IFT88: variants seen among roughly 807,000 people sequenced by gnomAD.
IFT88 encodes intraflagellar transport protein 88 homolog.
Under a neutral mutation model 119.5 loss-of-function variants are expected in IFT88, and 74 were observed. That is an observed-to-expected ratio of 0.62 (90% confidence interval 0.51 to 0.75). The LOEUF (loss-of-function observed/expected upper bound fraction) is 0.75, where lower values mean the gene tolerates loss of function less well. IFT88 is among the 30% of genes least tolerant of loss of function. The pLI, the probability that IFT88 is intolerant of heterozygous loss-of-function variation, is 0.00. For missense variants in IFT88, 961 were observed against 977.7 expected (o/e 0.98, Z 0.23); for synonymous variants, 279 against 316.7 (o/e 0.88, Z 1.26).
At chr13:20,652,758 C>T (rs748684941) in intron 20 of IFT88, among the ~76,000 whole-genome samples, 30 of 152,070 alleles carry the variant, frequency 2.0e-4, no homozygotes, top group Non-Finnish European at 3.2e-4. Context: ...AATAATACCA[C>T]ATGGTAAATG....
intron 8 of IFT88, among the ~76,000 whole-genome samples, chr13:20,596,766 A>G (rs1227852033): frequency 6.6e-6 from 1 of 152,222 alleles, no homozygotes; most frequent in Non-Finnish European, 1.5e-5. Context: ...TGGATTAATG[A>G]ATACCATTAG....
intron 14 of IFT88, among the ~76,000 whole-genome samples, chr13:20,621,721 A>G (rs974473207): frequency 7.9e-5 from 12 of 152,090 alleles, no homozygotes; most frequent in African/African-American, 2.9e-4. Context: ...ATTTGTTACA[A>G]TCAATGAACC....
intron 5 of IFT88, among the ~76,000 whole-genome samples, chr13:20,591,395 A>AT (rs903734467): frequency 2.0e-5 from 3 of 152,076 alleles, no homozygotes; most frequent in Admixed American, 6.5e-5. Flanking sequence ...AAGCTGATTA[A>AT]TTTTTTTTAA....
intron 17 of IFT88, 126 bp from the exon 18 acceptor site, chr13:20,641,164 A>G: frequency 1.7e-6 from 1 of 595,288 alleles, no homozygotes; most frequent in Non-Finnish European, 2.8e-6. Context: ...CAAAAACCTG[A>G]GTTCATCTTC....
At chr13:20,568,813 C>T (rs1415698857) in intron 1 of IFT88, among the ~76,000 whole-genome samples, 1 of 152,060 alleles carries the variant, frequency 6.6e-6, no homozygotes, top group Non-Finnish European at 1.5e-5. Context: ...CTCCGCCTCC[C>T]GGGTTCATGC....
chr13:20,616,825 C>T (rs747906216), intron 14 of IFT88, among the ~76,000 whole-genome samples: 12 of 152,170 alleles, frequency 7.9e-5, no homozygotes, highest in Non-Finnish European at 1.3e-4. Context: ...AGGTGTGATA[C>T]AGCATTACAG....
chr13:20,633,411 G>A (rs1245068659), intron 16 of IFT88, among the ~76,000 whole-genome samples: 1 of 152,184 alleles, frequency 6.6e-6, no homozygotes, highest in Non-Finnish European at 1.5e-5. Flanking sequence ...CCTCTAGGAA[G>A]GGGGACAAGG....
chr13:20,603,180 A>G (rs1421996773), intron 12 of IFT88, among the ~76,000 whole-genome samples: 1 of 152,156 alleles, frequency 6.6e-6, no homozygotes, highest in Non-Finnish European at 1.5e-5. Flanking sequence ...GTAGATAAAA[A>G]TGGTACATTT....
At chr13:20,629,426 A>G (rs28493115) in intron 15 of IFT88, among the ~76,000 whole-genome samples, 79 of 152,308 alleles carry the variant, frequency 5.2e-4, no homozygotes, top group African/African-American at 1.8e-3. Context: ...CTTGAAAGTG[A>G]GGATATGATG....
intron 24 of IFT88, among the ~76,000 whole-genome samples, chr13:20,677,620 G>T (rs2056837096): frequency 6.6e-6 from 1 of 152,132 alleles, no homozygotes; most frequent in Non-Finnish European, 1.5e-5. Context: ...CCTCCTAAAG[G>T]TCCCAAAGTT....
intron 1 of IFT88, chr13:20,567,802 ATTCT>A (rs2035201346): frequency 7.5e-7 from 1 of 1,324,674 alleles, no homozygotes; most frequent in Non-Finnish European, 9.8e-7. Flanking sequence ...TTGTCCCAAG[ATTCT>A]TTCTAAGCCT....
At chr13:20,640,328 T>C (rs1394170189) in intron 17 of IFT88, among the ~76,000 whole-genome samples, 1 of 151,586 alleles carries the variant, frequency 6.6e-6, no homozygotes, top group Non-Finnish European at 1.5e-5. Flanking sequence ...ATCCCAGCAC[T>C]TTGGGAGGGC....
rs561280215 is a variant in IFT88 at position 20,684,922 on chromosome 13, C to T, written c.2243-5783C>T. On this transcript the variant is annotated intron_variant, in intron 24 of 25. Coordinates refer to ENST00000351808, the MANE Select transcript of IFT88 (RefSeq NM_006531.5). ...TGGGCACCGCTTGCCGAGACCAGCTCGGTCGTGGAGACCCTAACCCAGCAG... is the reference window on the plus strand; with the variant it reads ...TGGGCACCGCTTGCCGAGACCAGCTTGGTCGTGGAGACCCTAACCCAGCAG... 4.6e-5 allele frequency among the ~76,000 whole-genome samples: 7 copies of T among 152,308 alleles called. No homozygotes were observed. In the South Asian group the frequency reaches 1.5e-3, roughly 32 times the overall value.
At position 20,625,709 on chromosome 13, in the gene IFT88, AAAAC is replaced by A. The variant is rs201932709; in HGVS notation, c.1200-37_1200-34del. ...AGAAAACCAACAGCATCAATATACT[AAAAC>A]AAAATCAAGTAAGGTTTTTTATGCT... On this transcript the variant is annotated intron_variant, in intron 14 of 25. Transcript: ENST00000351808. 2.2e-3 allele frequency: 3,167 copies of A among 1,419,508 alleles called. 57 individuals are homozygous for A. In the African/African-American group the frequency reaches 0.041, roughly 18 times the overall value. 87.9% of individuals were successfully genotyped at this position (1,419,508 alleles called of 1,614,324 possible). A position where few individuals can be genotyped will look rare whatever the true frequency, so the allele number is the denominator to read the frequency against.
chr13:20,667,062 C>T (rs1209166690), intron 23 of IFT88, among the ~76,000 whole-genome samples: 2 of 152,180 alleles, frequency 1.3e-5, no homozygotes, highest in African/African-American at 4.8e-5. Flanking sequence ...TCACTTTGTG[C>T]TCCATATTTT....
At chr13:20,591,253 A>T (rs180783601) in intron 5 of IFT88, among the ~76,000 whole-genome samples, 1 of 152,258 alleles carries the variant, frequency 6.6e-6, no homozygotes, top group East Asian at 1.9e-4. Context: ...TGGGGTGTGG[A>T]CATAGAACTG....
chr13:20,598,159 A>G (rs2042064219), intron 9 of IFT88, among the ~76,000 whole-genome samples: 1 of 152,214 alleles, frequency 6.6e-6, no homozygotes, highest in African/African-American at 2.4e-5. Flanking sequence ...ATTCCATGAA[A>G]TCTTTCAGGG....
intron 24 of IFT88, among the ~76,000 whole-genome samples, chr13:20,678,165 G>A (rs1264883066): frequency 6.6e-6 from 1 of 152,200 alleles, no homozygotes; most frequent in African/African-American, 2.4e-5. Context: ...GTTGCAGGGA[G>A]GTAGAGAAGA....
intron 6 of IFT88, 106 bp from the exon 7 acceptor site, chr13:20,592,229 T>C (rs1022684191): frequency 2.5e-6 from 2 of 784,768 alleles, no homozygotes; most frequent in African/African-American, 3.6e-5. Context: ...TGAAACCATT[T>C]AATAAAGAGG....
Sources: allele counts gnomAD v4.1 joint callset (sites outside exome capture counted in the v4.1 genomes callset), GRCh38; gene constraint gnomAD v4.1.1; transcripts MANE v1.5; gene names NCBI Gene and HGNC (gene_info 2026-07-23, HGNC 2026-07-21).